GTPBP10: variants seen among roughly 807,000 people sequenced by gnomAD.
The protein encoded by GTPBP10 is GTP-binding protein 10.
GTPBP10 carries 38 observed loss-of-function variants against 44.8 expected under a neutral mutation model. The observed-to-expected ratio is 0.85, with a 90% CI of 0.65 to 1.11. The LOEUF is 1.11. Ranked by LOEUF, GTPBP10 falls within the 50% of genes most tolerant of loss-of-function variation. GTPBP10 has a pLI of 0.00. For synonymous variants in GTPBP10, 152 were observed against 150.6 expected (o/e 1.01, Z -0.07); for missense variants, 462 against 453.7 (o/e 1.02, Z -0.17).
At chr7:90,383,609 C>G (rs186297764) in intron 9 of GTPBP10, 1 of 152,240 alleles carries the variant, frequency 6.6e-6, no homozygotes, top group East Asian at 1.9e-4. Context: ...GCTGTGACTC[C>G]AAAATGATTT....
At position 90,383,078 on chromosome 7, in the gene GTPBP10, A is replaced by G; in HGVS notation, c.900A>G (p.Lys300=). The G allele has an allele frequency of 1.3e-6, 2 of 1,554,100 alleles. No homozygotes were observed. The highest frequency in any genetic ancestry group is 8.7e-7 in the Non-Finnish European group (1 of 1,145,360). The change falls in exon 9 of 10, where the codon AAA becomes AAG. Residue 300 remains lysine, a splice_region_variant and synonymous_variant. Coordinates refer to ENST00000222511, the MANE Select transcript of GTPBP10 (RefSeq NM_033107.4). ...TGATGAGCCAGCTCCAGAATCCTAA[A>G]GGTAAACCTATTTATTCATTTAATT... ...HELMSQLQNP[K]DFLHLFEKNM...
chr7:90,350,160 AC>A (rs1795762511), intron 1 of GTPBP10, among the ~76,000 whole-genome samples: 1 of 152,064 alleles, frequency 6.6e-6, no homozygotes, highest in Non-Finnish European at 1.5e-5. Flanking sequence ...ATGAGTGAGA[AC>A]ATGTGGTGTT....
At chr7:90,382,100 TCA>T (rs1796444032) in intron 8 of GTPBP10, among the ~76,000 whole-genome samples, 1 of 151,958 alleles carries the variant, frequency 6.6e-6, no homozygotes, top group Admixed American at 6.6e-5. Flanking sequence ...AAAGGAACAG[TCA>T]GCAGAGTGAA....
chr7:90,370,444 CG>C (rs1054350651), intron 4 of GTPBP10, among the ~76,000 whole-genome samples: 43 of 151,880 alleles, frequency 2.8e-4, no homozygotes, highest in Non-Finnish European at 5.4e-4. Flanking sequence ...AACTCAGGAA[CG>C]GAAATCCAAG....
At chr7:90,354,007 C>A (rs1162449468) in intron 2 of GTPBP10, among the ~76,000 whole-genome samples, 1 of 151,568 alleles carries the variant, frequency 6.6e-6, no homozygotes, top group Non-Finnish European at 1.5e-5. Context: ...TTAAATTTTT[C>A]TTTTTTTGTA....
chr7:90,384,824 C>A, intron 9 of GTPBP10, 68 bp from the exon 10 acceptor site: 9 of 1,464,886 alleles, frequency 6.1e-6, no homozygotes, highest in East Asian at 2.3e-5. Flanking sequence ...CAAATCAAAC[C>A]ATTAACATGG....
chr7:90,356,694 A>G (rs184091560), intron 4 of GTPBP10, among the ~76,000 whole-genome samples: 2 of 151,298 alleles, frequency 1.3e-5, no homozygotes, highest in East Asian at 1.9e-4. Context: ...TCACCACGTC[A>G]TTTGTTTTCT....
intron 1 of GTPBP10, among the ~76,000 whole-genome samples, chr7:90,349,874 A>G (rs1008411055): frequency 4.0e-5 from 6 of 150,242 alleles, no homozygotes; most frequent in African/African-American, 1.5e-4. Context: ...AACCTGCTTC[A>G]CCTGTTATCT....
chr7:90,353,320 A>G (rs935121174), intron 2 of GTPBP10: 4 of 200,916 alleles, frequency 2.0e-5, no homozygotes, highest in African/African-American at 9.3e-5. Context: ...AACCTTTTAG[A>G]AAACTTTCAG....
intron 8 of GTPBP10, 98 bp downstream of exon 8, chr7:90,378,309 T>G (rs1012104713): frequency 5.2e-6 from 7 of 1,356,228 alleles, no homozygotes; most frequent in Non-Finnish European, 6.9e-6. Flanking sequence ...ATACTCCACC[T>G]TTAAAGCTTT....
rs1354628030 is a variant in GTPBP10, at chr7:90,386,175, A to C, written c.*1021A>C. On this transcript the variant is annotated 3_prime_UTR_variant, in exon 10 of 10. Coordinates refer to ENST00000222511, the MANE Select transcript of GTPBP10 (RefSeq NM_033107.4). ...TGTCCCTATTGAGATCATTTTTTAA[A>C]TTTATGTGGAAGGATTCTCTAGATT... The C allele has an allele frequency of 6.6e-6, 1 of 152,150 alleles. No individual in the cohort carries two copies. The highest frequency in any genetic ancestry group is 1.5e-5 in the Non-Finnish European group (1 of 68,018). The allele number at this position is 152,150 out of a possible 1,614,324, so 9.4% of individuals were successfully genotyped here.
intron 4 of GTPBP10, among the ~76,000 whole-genome samples, chr7:90,368,359 A>G (rs776056057): frequency 7.2e-5 from 11 of 152,192 alleles, no homozygotes; most frequent in Non-Finnish European, 1.3e-4. Flanking sequence ...TCTCCTCAAT[A>G]ATATCCTGAA....
chr7:90,361,887 G>A (rs991710425), intron 4 of GTPBP10, among the ~76,000 whole-genome samples: 34 of 152,138 alleles, frequency 2.2e-4, no homozygotes, highest in African/African-American at 6.0e-4. Flanking sequence ...GAATTTATCC[G>A]TTTCTTCTAG....
intron 4 of GTPBP10, among the ~76,000 whole-genome samples, chr7:90,362,575 A>G (rs1388428886): frequency 6.6e-6 from 1 of 152,132 alleles, no homozygotes; most frequent in Non-Finnish European, 1.5e-5. Context: ...TTTTGGATTA[A>G]GTGCGGTGTG....
rs1052272566 is a variant in GTPBP10 at position 90,388,344 on chromosome 7, A to T, written c.*3190A>T. The stretch of plus-strand genomic sequence containing the variant: ...TTCAAAATATATGCTTTTTTGAAAC[A>T]CTTATTATGTTACTGAATAACCAGA... On this transcript the variant is annotated 3_prime_UTR_variant, in exon 10 of 10. Transcript: ENST00000222511. 1 of 152,126 alleles carries T rather than the reference A, an allele frequency of 6.6e-6. No individual in the cohort carries two copies. Among genetic ancestry groups the T allele is most frequent in the South Asian group, 2.1e-4 (1 of 4,832 alleles). 9.4% of individuals were successfully genotyped at this position (152,126 alleles called of 1,614,324 possible).
rs998480194 is a variant in GTPBP10, at chr7:90,386,249, T to C, written c.*1095T>C. The stretch of plus-strand genomic sequence containing the variant: ...TTTGTTTGTTTTTGAGCCTGTCTTG[T>C]ACCTGGTTGCACTAAATATATAATA... On this transcript the variant is annotated 3_prime_UTR_variant, in exon 10 of 10. Transcript: ENST00000222511. 10 of 152,188 alleles carry C rather than the reference T, an allele frequency of 6.6e-5. No homozygotes were observed. Among genetic ancestry groups the C allele is most frequent in the Admixed American group, 1.3e-4 (2 of 15,272 alleles). The allele number at this position is 152,188 out of a possible 1,614,324, so 9.4% of individuals were successfully genotyped here.
At chr7:90,370,992 C>G (rs1038160368) in intron 4 of GTPBP10, among the ~76,000 whole-genome samples, 1 of 144,030 alleles carries the variant, frequency 6.9e-6, no homozygotes, top group African/African-American at 2.6e-5. Context: ...GGCAACAGAG[C>G]GAGACTCCAT....
chr7:90,348,947 T>C (rs1171155411), intron 1 of GTPBP10, among the ~76,000 whole-genome samples: 1 of 152,208 alleles, frequency 6.6e-6, no homozygotes, highest in Non-Finnish European at 1.5e-5. Flanking sequence ...TCTGAAGCAC[T>C]CATCAAGCTG....
chr7:90,347,875 C>T (rs376104428), intron 1 of GTPBP10, among the ~76,000 whole-genome samples: 7 of 152,058 alleles, frequency 4.6e-5, no homozygotes, highest in South Asian at 4.2e-4. Flanking sequence ...GTAGAAATGG[C>T]GGTATTTCAT....
Sources: allele counts gnomAD v4.1 joint callset (sites outside exome capture counted in the v4.1 genomes callset), GRCh38; gene constraint gnomAD v4.1.1; transcripts MANE v1.5; gene names NCBI Gene and HGNC (gene_info 2026-07-23, HGNC 2026-07-21).